The following ITPR1 variants were observed in gnomAD, a reference collection of about 807,000 sequenced individuals.
ITPR1 encodes inositol 1,4,5-trisphosphate-gated calcium channel ITPR1.
ITPR1 carries 96 observed loss-of-function variants against 318.4 expected under a neutral mutation model. The ratio of observed to expected loss-of-function variants is 0.30; its 90% CI spans 0.26 to 0.36. ITPR1 has a LOEUF of 0.36. ITPR1 is among the 10% of genes least tolerant of loss of function. ITPR1 has a pLI of 1.00. For missense variants in ITPR1, 2,440 were observed against 3,460.2 expected (o/e 0.71, Z 7.40); for synonymous variants, 1,312 against 1,289.9 (o/e 1.02, Z -0.37).
intron 44 of ITPR1, among the ~76,000 whole-genome samples, chr3:4,758,417 C>T (rs2045176698): frequency 6.6e-6 from 1 of 152,232 alleles, no homozygotes; most frequent in South Asian, 2.1e-4. Flanking sequence ...CCCTGTCTTG[C>T]AGCTAAGATG....
chr3:4,754,695 G>C (rs1211277850), intron 44 of ITPR1, among the ~76,000 whole-genome samples: 1 of 152,154 alleles, frequency 6.6e-6, no homozygotes, highest in African/African-American at 2.4e-5. Context: ...CTTTGCTTTA[G>C]AGTACCTTTT....
chr3:4,589,874 G>A (rs143025942), intron 4 of ITPR1, among the ~76,000 whole-genome samples: 1 of 152,306 alleles, frequency 6.6e-6, no homozygotes, highest in East Asian at 1.9e-4. Flanking sequence ...ACAGCTGTAT[G>A]AGAAGACCAG....
intron 2 of ITPR1, among the ~76,000 whole-genome samples, chr3:4,495,832 T>A (rs569929491): frequency 6.6e-6 from 1 of 152,204 alleles, no homozygotes; most frequent in South Asian, 2.1e-4. Context: ...TGGACCTCAG[T>A]TGATTTGGGG....
chr3:4,521,202 T>A, intron 4 of ITPR1, 108 bp downstream of exon 4: 1 of 702,384 alleles, frequency 1.4e-6, no homozygotes, highest in Non-Finnish European at 2.5e-6. Context: ...TTATTTATTA[T>A]GTATTTTTTT....
chr3:4,620,506 C>T (rs1472600046), intron 4 of ITPR1, among the ~76,000 whole-genome samples: 1 of 152,102 alleles, frequency 6.6e-6, no homozygotes, highest in African/African-American at 2.4e-5. Flanking sequence ...TTCTGCAGTG[C>T]TAATTGCGTG....
intron 4 of ITPR1, among the ~76,000 whole-genome samples, chr3:4,563,563 A>G (rs772159021): frequency 6.6e-6 from 1 of 152,200 alleles, no homozygotes; most frequent in Non-Finnish European, 1.5e-5. Flanking sequence ...GAATTATTAC[A>G]TAAGTTGGGT....
At chr3:4,553,979 G>C (rs1288026954) in intron 4 of ITPR1, among the ~76,000 whole-genome samples, 1 of 150,880 alleles carries the variant, frequency 6.6e-6, no homozygotes, top group African/African-American at 2.4e-5. Context: ...CTGGGCTCAA[G>C]CAGTCCGCCC....
chr3:4,717,342 C>G (rs1206196215), intron 39 of ITPR1, 25 bp from the exon 40 acceptor site: 1 of 1,570,858 alleles, frequency 6.4e-7, no homozygotes. Context: ...TTCCTTCTCT[C>G]TCTCTCCCCT....
At chr3:4,828,650 A>G (rs957175067) in intron 60 of ITPR1, among the ~76,000 whole-genome samples, 1 of 152,114 alleles carries the variant, frequency 6.6e-6, no homozygotes, top group Non-Finnish European at 1.5e-5. Flanking sequence ...GAATGACTTG[A>G]AAGGATTATT....
At chr3:4,784,354 T>C (rs111293116) in intron 51 of ITPR1, among the ~76,000 whole-genome samples, 4 of 151,864 alleles carry the variant, frequency 2.6e-5, no homozygotes, top group Non-Finnish European at 5.9e-5. Flanking sequence ...CGTGGGAAGA[T>C]TCTAGGTGAT....
intron 44 of ITPR1, among the ~76,000 whole-genome samples, chr3:4,757,372 A>G (rs2045081826): frequency 6.6e-6 from 1 of 152,210 alleles, no homozygotes; most frequent in Non-Finnish European, 1.5e-5. Context: ...ATTAAACGTC[A>G]TGGGAAAGTT....
chr3:4,548,195 C>T (rs2085212377), intron 4 of ITPR1, among the ~76,000 whole-genome samples: 1 of 152,098 alleles, frequency 6.6e-6, no homozygotes, highest in South Asian at 2.1e-4. Context: ...GAGTTAAAAC[C>T]GGTGGAATTG....
intron 4 of ITPR1, among the ~76,000 whole-genome samples, chr3:4,577,536 G>A (rs1376835684): frequency 6.6e-6 from 1 of 152,080 alleles, no homozygotes; most frequent in Admixed American, 6.5e-5. Context: ...AGATCAGGTT[G>A]GTTTTTGTTA....
intron 61 of ITPR1, among the ~76,000 whole-genome samples, chr3:4,841,823 C>T (rs373282830): frequency 3.3e-5 from 5 of 152,192 alleles, no homozygotes; most frequent in African/African-American, 9.7e-5. Context: ...CTCTAAGAAT[C>T]TGAATTGTAT....
chr3:4,511,599 G>A (rs1026417821), intron 2 of ITPR1, among the ~76,000 whole-genome samples: 15 of 152,198 alleles, frequency 9.9e-5, no homozygotes, highest in Non-Finnish European at 2.1e-4. Context: ...TATAAATACC[G>A]TCTTGCTGAA....
chr3:4,531,672 A>G (rs1013382469), intron 4 of ITPR1, among the ~76,000 whole-genome samples: 12 of 152,130 alleles, frequency 7.9e-5, no homozygotes, highest in African/African-American at 2.9e-4. Flanking sequence ...CAGTCAGAAT[A>G]CTTGCTCTGT....
At chr3:4,563,846 G>T (rs910410712) in intron 4 of ITPR1, among the ~76,000 whole-genome samples, 1 of 152,272 alleles carries the variant, frequency 6.6e-6, no homozygotes, top group African/African-American at 2.4e-5. Flanking sequence ...TCGTTTGCTA[G>T]GGTTGCTGCA....
chr3:4,505,568 G>T (rs1389804921), intron 2 of ITPR1, among the ~76,000 whole-genome samples: 3 of 152,212 alleles, frequency 2.0e-5, no homozygotes, highest in African/African-American at 7.2e-5. Flanking sequence ...GTTGGCAAGG[G>T]CCTTTTGTTT....
rs186649510 is a variant in ITPR1 at position 4,633,655 on chromosome 3, T to C, written c.280-5729T>C. Among the ~76,000 whole-genome samples the C allele has an allele frequency of 2.8e-4, 43 of 152,358 alleles. No homozygotes were observed. The East Asian group carries it at 7.7e-3, about 27-fold the overall frequency. On this transcript the variant is annotated intron_variant, in intron 5 of 61. Coordinates refer to ENST00000649015, the MANE Select transcript of ITPR1 (RefSeq NM_001378452.1). ...GATTTTGACTCTCTTGGTCATGTTT[T>C]CCTAAGGGTCTCTTGACAAAATGAG...
Sources: gnomAD v4.1 joint callset for allele counts (sites outside exome capture counted in the v4.1 genomes callset) on GRCh38, gnomAD v4.1.1 for gene constraint, MANE v1.5 for transcripts, NCBI Gene and HGNC (gene_info 2026-07-23, HGNC 2026-07-21) for gene names.